The following PRDM16 variants were observed in gnomAD, a reference collection of about 807,000 sequenced individuals.
PRDM16 encodes PR/SET domain 16.
In PRDM16, 23 loss-of-function variants were observed where a neutral mutation model predicts 110.6. That is an observed-to-expected ratio of 0.21 (90% confidence interval 0.15 to 0.29). PRDM16 has a LOEUF of 0.29. Ranked by LOEUF, PRDM16 falls within the 10% of genes least tolerant of loss-of-function variation. The pLI, the probability that PRDM16 is intolerant of heterozygous loss-of-function variation, is 1.00. For synonymous variants in PRDM16, 799 were observed against 781.8 expected (o/e 1.02, Z -0.37); for missense variants, 1,615 against 1,794.3 (o/e 0.90, Z 1.81).
At chr1:3,218,080 G>A (rs1209122236) in intron 2 of PRDM16, among the ~76,000 whole-genome samples, 1 of 152,130 alleles carries the variant, frequency 6.6e-6, no homozygotes, top group Non-Finnish European at 1.5e-5. Context: ...CCCATCCCTC[G>A]CCACAAAACA....
At chr1:3,215,284 A>T (rs1300305368) in intron 2 of PRDM16, among the ~76,000 whole-genome samples, 5 of 142,430 alleles carry the variant, frequency 3.5e-5, no homozygotes, top group Non-Finnish European at 6.0e-5. Context: ...TGGATGATCC[A>T]CAGGTGCCAC....
At chr1:3,242,272 C>T (rs969685489) in intron 2 of PRDM16, among the ~76,000 whole-genome samples, 1 of 152,240 alleles carries the variant, frequency 6.6e-6, no homozygotes, top group Non-Finnish European at 1.5e-5. Context: ...GCATCTCACT[C>T]CTCGACGTGC....
intron 2 of PRDM16, among the ~76,000 whole-genome samples, chr1:3,197,852 G>A (rs563423351): frequency 1.3e-5 from 2 of 152,274 alleles, no homozygotes; most frequent in South Asian, 2.1e-4. Flanking sequence ...GGTCAGGGAC[G>A]AGGGTCAGGG....
At chr1:3,397,810 G>T (rs1251864952) in intron 5 of PRDM16, among the ~76,000 whole-genome samples, 1 of 152,188 alleles carries the variant, frequency 6.6e-6, no homozygotes, top group Non-Finnish European at 1.5e-5. Context: ...AAGGAATGGT[G>T]CTGGAATGAG....
chr1:3,237,829 G>A lies in PRDM16; in HGVS notation c.388-6258G>A, dbSNP rs1349485844. On this transcript the variant is annotated intron_variant, in intron 2 of 16. Transcript: ENST00000270722. ...TGGGTCTTCAAGGCCTTGCTGGCTG[G>A]GCGGGGCAGGGCCAGGCGGTGGCAG... 2.6e-5 allele frequency: 4 copies of A among 152,332 alleles called. No homozygotes were observed. The South Asian group carries it at 8.3e-4, about 31-fold the overall frequency. 9.4% of individuals were successfully genotyped at this position (152,332 alleles called of 1,614,324 possible).
chr1:3,127,907 A>G (rs1643243328), intron 1 of PRDM16: 1 of 153,474 alleles, frequency 6.5e-6, no homozygotes, highest in Non-Finnish European at 1.5e-5. Context: ...TTCCTGGAAC[A>G]GAAGCCTGGG....
intron 3 of PRDM16, among the ~76,000 whole-genome samples, chr1:3,304,520 G>A (rs7514868): frequency 0.19 from 28,783 of 152,046 alleles, 2,784 homozygotes; most frequent in East Asian, 0.32. Flanking sequence ...TCAGCTGCCT[G>A]TCCACACGAG....
rs547813668 is a variant in PRDM16 at position 3,356,349 on chromosome 1, G to A, written c.439-28803G>A. 5.3e-5 allele frequency among the ~76,000 whole-genome samples: 8 copies of A among 152,324 alleles called. No homozygotes were observed. In the South Asian group the frequency reaches 6.2e-4, roughly 12 times the overall value. On this transcript the variant is annotated intron_variant, in intron 3 of 16. Coordinates refer to ENST00000270722, the MANE Select transcript of PRDM16 (RefSeq NM_022114.4). ...GGCCACTCTGGCCTGATGCATGACC[G>A]TCTGCTCAGGACGTGCGGCTGCCGT...
chr1:3,181,005 CGCGGTCTTACAAAT>C (rs1314286839), intron 1 of PRDM16, among the ~76,000 whole-genome samples: 110 of 147,932 alleles, frequency 7.4e-4, no homozygotes, highest in Non-Finnish European at 1.3e-3. Context: ...CGATCTTACA[CGCGGTCTTACAAAT>C]GCGGTCTTAC....
intron 2 of PRDM16, among the ~76,000 whole-genome samples, chr1:3,221,085 G>T (rs534215497): frequency 7.1e-4 from 108 of 152,308 alleles, no homozygotes; most frequent in African/African-American, 2.4e-3. Context: ...CCAGTGGCTG[G>T]GCCTTGGAAT....
At chr1:3,234,484 G>A (rs995326402) in intron 2 of PRDM16, among the ~76,000 whole-genome samples, 64 of 152,320 alleles carry the variant, frequency 4.2e-4, no homozygotes, top group African/African-American at 1.4e-3. Context: ...CGAGGCCCAG[G>A]TATCTGATTT....
chr1:3,357,625 T>C (rs1259872820), intron 3 of PRDM16, among the ~76,000 whole-genome samples: 1 of 144,564 alleles, frequency 6.9e-6, no homozygotes, highest in Non-Finnish European at 1.5e-5. Context: ...TCATCCTCAG[T>C]CCTGTTCTGA....
At chr1:3,225,997 TGTG>T (rs1639281636) in intron 2 of PRDM16, among the ~76,000 whole-genome samples, 1 of 152,222 alleles carries the variant, frequency 6.6e-6, no homozygotes, top group Non-Finnish European at 1.5e-5. Context: ...CCCAGATCAT[TGTG>T]GTGGCCACTT....
Position 3,425,832 on chromosome 1 carries a change from T to C in PRDM16, c.3109+82T>C, listed in dbSNP as rs576303260. ...AGGGGGAGGGGGAACAGCAGGGGAG[T>C]GGGCGCCGGGCAGGGAAGAGGGCCA... is the stretch of plus-strand genomic sequence containing the variant. On this transcript the variant is annotated intron_variant, in intron 13 of 16. Coordinates refer to ENST00000270722, the MANE Select transcript of PRDM16 (RefSeq NM_022114.4). This position sits in a 1 kb window ranked among gnomAD's most constrained non-coding sequence, Gnocchi z 6.9. The C allele has an allele frequency of 4.4e-5, 68 of 1,541,358 alleles. 1 individual carries two copies. In the South Asian group the frequency reaches 7.2e-4, roughly 16 times the overall value.
chr1:3,141,211 T>G (rs1643543631), intron 1 of PRDM16, among the ~76,000 whole-genome samples: 1 of 152,232 alleles, frequency 6.6e-6, no homozygotes, highest in Non-Finnish European at 1.5e-5. Context: ...ATATTTAGAC[T>G]TATGGGCCAA....
intron 1 of PRDM16, among the ~76,000 whole-genome samples, chr1:3,099,526 GC>G (rs1642484476): frequency 6.6e-6 from 1 of 152,212 alleles, no homozygotes; most frequent in South Asian, 2.1e-4. Flanking sequence ...CATCCTGCGG[GC>G]GGCTCCTGGG....
rs113043369 is a variant in PRDM16, at chr1:3,083,642, C to T, written c.37+14346C>T. Among the ~76,000 whole-genome samples the T allele has an allele frequency of 3.8e-4, 57 of 151,872 alleles. 1 individual carries two copies. Among genetic ancestry groups the T allele is most frequent in the African/African-American group, 1.1e-3 (46 of 41,394 alleles). ...CATGCTGGGTGGGGAGGGTGGGTGC[C>T]GGAGCTGGATCCTGCCCTCGGGGGT... On this transcript the variant is annotated intron_variant, in intron 1 of 16. Coordinates refer to ENST00000270722, the MANE Select transcript of PRDM16 (RefSeq NM_022114.4).
intron 1 of PRDM16, among the ~76,000 whole-genome samples, chr1:3,093,474 G>A (rs1159089084): frequency 1.3e-5 from 2 of 152,208 alleles, no homozygotes; most frequent in Non-Finnish European, 2.9e-5. Context: ...GACTTTGGGG[G>A]CCCTGGAATC....
At chr1:3,113,511 G>A (rs1371434538) in intron 1 of PRDM16, among the ~76,000 whole-genome samples, 3 of 152,172 alleles carry the variant, frequency 2.0e-5, no homozygotes, top group Admixed American at 6.5e-5. Flanking sequence ...GGGAGGGGAC[G>A]AGACAGACCC....
Sources: allele counts gnomAD v4.1 joint callset (sites outside exome capture counted in the v4.1 genomes callset), GRCh38; gene constraint gnomAD v4.1.1; non-coding constraint Gnocchi (gnomAD v3.1); transcripts MANE v1.5; gene names NCBI Gene and HGNC (gene_info 2026-07-23, HGNC 2026-07-21).